Variants in TNNI3K observed in about 807,000 individuals in gnomAD.
The protein encoded by TNNI3K is TNNI3 interacting kinase.
In TNNI3K, 140 loss-of-function variants were observed where a neutral mutation model predicts 114.5. The observed-to-expected ratio is 1.22, with a 90% CI of 1.07 to 1.41. TNNI3K has a LOEUF of 1.41. Ranked by LOEUF, TNNI3K falls within the 40% of genes most tolerant of loss-of-function variation. The probability of loss-of-function intolerance (pLI) is 0.00; values close to 1 mark genes in which losing one functional copy is unlikely to be tolerated. For missense variants in TNNI3K, 1,125 were observed against 1,007.6 expected (o/e 1.12, Z -1.58); for synonymous variants, 347 against 347.5 (o/e 1.00, Z 0.02).
intron 17 of TNNI3K, among the ~76,000 whole-genome samples, chr1:74,410,190 A>G (rs770070455): frequency 3.3e-5 from 5 of 152,178 alleles, no homozygotes; most frequent in African/African-American, 4.8e-5. Context: ...CCACATCAAT[A>G]AAGGAAGTTT....
chr1:74,271,375 G>A (rs1340011748), intron 4 of TNNI3K, among the ~76,000 whole-genome samples: 1 of 151,822 alleles, frequency 6.6e-6, no homozygotes, highest in East Asian at 1.9e-4. Flanking sequence ...TGTTCAAGCG[G>A]TAGAGGATTG....
intron 20 of TNNI3K, among the ~76,000 whole-genome samples, chr1:74,445,204 CTTTT>C (rs1332980089): frequency 8.5e-6 from 1 of 117,950 alleles, no homozygotes; most frequent in Non-Finnish European, 1.8e-5. Flanking sequence ...TAAAGAACTT[CTTTT>C]TTTTTTTTCT....
At chr1:74,306,288 C>A (rs1658628969) in intron 5 of TNNI3K, among the ~76,000 whole-genome samples, 1 of 152,030 alleles carries the variant, frequency 6.6e-6, no homozygotes, top group Non-Finnish European at 1.5e-5. Flanking sequence ...TTGATAGGCA[C>A]CTAGATTGAT....
intron 21 of TNNI3K, among the ~76,000 whole-genome samples, chr1:74,467,819 G>A (rs1296741266): frequency 6.6e-6 from 1 of 152,058 alleles, no homozygotes. Context: ...CCTAATCTAA[G>A]TTTACTGAAT....
intron 21 of TNNI3K, among the ~76,000 whole-genome samples, chr1:74,465,499 G>C (rs755365573): frequency 6.6e-6 from 1 of 152,178 alleles, no homozygotes; most frequent in Admixed American, 6.5e-5. Context: ...CTCCCCACAC[G>C]GCAGGGCTTG....
At chr1:74,281,231 G>A (rs1656992578) in intron 5 of TNNI3K, among the ~76,000 whole-genome samples, 1 of 152,040 alleles carries the variant, frequency 6.6e-6, no homozygotes, top group Non-Finnish European at 1.5e-5. Context: ...CTGACTTCAG[G>A]TGTGACCCAG....
intron 5 of TNNI3K, among the ~76,000 whole-genome samples, chr1:74,293,767 G>A (rs1657813616): frequency 6.6e-6 from 1 of 151,526 alleles, no homozygotes; most frequent in Non-Finnish European, 1.5e-5. Context: ...TGATTTTAGG[G>A]ATAAAATTAT....
rs189256030 is a variant in TNNI3K at position 74,530,369 on chromosome 1, G to T, written c.2352-9865G>T. On this transcript the variant is annotated intron_variant, in intron 23 of 24. Transcript: ENST00000326637. The stretch of plus-strand genomic sequence containing the variant: ...GTTTGAATTACAACTGGGTTATCTT[G>T]GGTAAGACATAGTCTCTCTGAGCCT... 4.5e-4 allele frequency among the ~76,000 whole-genome samples: 68 copies of T among 152,258 alleles called. 1 individual carries two copies. In the East Asian group the frequency reaches 0.013, roughly 28 times the overall value.
At chr1:74,293,209 A>T (rs2100294430) in intron 5 of TNNI3K, among the ~76,000 whole-genome samples, 1 of 151,798 alleles carries the variant, frequency 6.6e-6, no homozygotes, top group South Asian at 2.1e-4. Flanking sequence ...AGTTGAATCT[A>T]CCAACGTATT....
At chr1:74,280,883 T>C (rs767177895) in intron 5 of TNNI3K, among the ~76,000 whole-genome samples, 1 of 152,050 alleles carries the variant, frequency 6.6e-6, no homozygotes, top group Non-Finnish European at 1.5e-5. Context: ...ATCTCCCAAC[T>C]CTGTGCAGTG....
intron 17 of TNNI3K, among the ~76,000 whole-genome samples, chr1:74,399,777 A>C (rs972236897): frequency 1.3e-5 from 2 of 152,200 alleles, no homozygotes; most frequent in Non-Finnish European, 1.5e-5. Context: ...TACTACCAAG[A>C]GTGAGAGGGT....
At chr1:74,527,174 T>C (rs1042621811) in intron 23 of TNNI3K, among the ~76,000 whole-genome samples, 3 of 152,224 alleles carry the variant, frequency 2.0e-5, no homozygotes, top group Non-Finnish European at 4.4e-5. Context: ...TACTAGCCCG[T>C]GCCAGGTGCT....
At chr1:74,474,370 A>G (rs1220866577) in intron 21 of TNNI3K, among the ~76,000 whole-genome samples, 5 of 151,900 alleles carry the variant, frequency 3.3e-5, no homozygotes, top group Non-Finnish European at 7.4e-5. Context: ...ACTGGTAAGA[A>G]CTGGAGTGTG....
intron 21 of TNNI3K, among the ~76,000 whole-genome samples, chr1:74,473,169 C>A (rs1427356821): frequency 6.6e-6 from 1 of 152,088 alleles, no homozygotes; most frequent in Non-Finnish European, 1.5e-5. Context: ...TCATAATGTA[C>A]GTTCATCATC....
chr1:74,355,747 G>A (rs1235554326), intron 11 of TNNI3K, among the ~76,000 whole-genome samples: 1 of 152,054 alleles, frequency 6.6e-6, no homozygotes, highest in Admixed American at 6.6e-5. Flanking sequence ...ACAAGGAGAA[G>A]GAAAAATGTA....
intron 23 of TNNI3K, among the ~76,000 whole-genome samples, chr1:74,519,862 G>A (rs12076336): frequency 0.02 from 3,107 of 152,278 alleles, 114 homozygotes; most frequent in African/African-American, 0.07. Context: ...CCCTGTGGCA[G>A]TGTGGGTGTC....
chr1:74,329,720 A>T (rs1188278305), intron 5 of TNNI3K, among the ~76,000 whole-genome samples: 3 of 152,060 alleles, frequency 2.0e-5, no homozygotes, highest in African/African-American at 7.2e-5. Flanking sequence ...TTAGTTTCCT[A>T]TTGACACTGA....
chr1:74,385,816 A>G (rs1213361530), intron 17 of TNNI3K, among the ~76,000 whole-genome samples: 7 of 152,168 alleles, frequency 4.6e-5, no homozygotes, highest in Admixed American at 4.6e-4. Flanking sequence ...ATATTCAATG[A>G]CAGAAACTAC....
chr1:74,462,712 T>C (rs1178663582), intron 20 of TNNI3K, among the ~76,000 whole-genome samples: 1 of 152,068 alleles, frequency 6.6e-6, no homozygotes, highest in African/African-American at 2.4e-5. Context: ...AGTATAGAAA[T>C]CATTAGTTGC....
Sources: allele counts gnomAD v4.1 joint callset (sites outside exome capture counted in the v4.1 genomes callset), GRCh38; gene constraint gnomAD v4.1.1; transcripts MANE v1.5; gene names NCBI Gene and HGNC (gene_info 2026-07-23, HGNC 2026-07-21).